Variants in RYR2 observed in about 807,000 individuals in gnomAD.
RYR2 encodes cardiac muscle ryanodine receptor-calcium release channel.
In RYR2, 227 loss-of-function variants were observed where a neutral mutation model predicts 601.1. The observed-to-expected ratio is 0.38, with a 90% CI of 0.34 to 0.42. The LOEUF (loss-of-function observed/expected upper bound fraction) is 0.42. Ranked by LOEUF, RYR2 falls within the 10% of genes least tolerant of loss-of-function variation. The probability of loss-of-function intolerance (pLI) is 1.00; values close to 1 mark genes in which losing one functional copy is unlikely to be tolerated. For missense variants in RYR2, 4,646 were observed against 6,156.5 expected (o/e 0.75, Z 8.21); for synonymous variants, 2,223 against 2,175.1 (o/e 1.02, Z -0.61).
chr1:237,397,807 C>T (rs1285755176), intron 10 of RYR2, among the ~76,000 whole-genome samples: 10 of 150,948 alleles, frequency 6.6e-5, no homozygotes, highest in Non-Finnish European at 7.4e-5. Context: ...CTGTAAGCTC[C>T]GCCTCCCAGG....
chr1:237,065,496 A>G (rs190225331), intron 1 of RYR2, among the ~76,000 whole-genome samples: 1 of 151,900 alleles, frequency 6.6e-6, no homozygotes, highest in East Asian at 1.9e-4. Flanking sequence ...TATGTTGGCC[A>G]GGCTGGTCTC....
At chr1:237,550,444 G>C in intron 26 of RYR2, 100 bp from the exon 27 acceptor site, 2 of 1,400,416 alleles carry the variant, frequency 1.4e-6, no homozygotes, top group South Asian at 2.6e-5. Context: ...GAAGGGTCAC[G>C]TTTTTCTCAT....
At chr1:237,473,435 T>C (rs929414152) in intron 17 of RYR2, among the ~76,000 whole-genome samples, 12 of 90,374 alleles carry the variant, frequency 1.3e-4, no homozygotes, top group East Asian at 6.7e-4. Flanking sequence ...CTCTCTCTCT[T>C]TCTTTCTTTC....
At chr1:237,736,628 ATAAAGGAAG>A (rs1691174971) in intron 79 of RYR2, among the ~76,000 whole-genome samples, 2 of 152,174 alleles carry the variant, frequency 1.3e-5, no homozygotes, top group Non-Finnish European at 2.9e-5. Flanking sequence ...GATGAAGTCT[ATAAAGGAAG>A]GCTAGAGGAG....
At chr1:237,619,998 T>C (rs1021011639) in intron 38 of RYR2, among the ~76,000 whole-genome samples, 1 of 152,020 alleles carries the variant, frequency 6.6e-6, no homozygotes, top group Admixed American at 6.6e-5. Context: ...TGAAGGAAAT[T>C]TGGAAAATTC....
chr1:237,663,914 A>G (rs1558170220), intron 56 of RYR2, among the ~76,000 whole-genome samples: 2 of 152,206 alleles, frequency 1.3e-5, no homozygotes, highest in Non-Finnish European at 2.9e-5. Context: ...GACAGAATAT[A>G]CAATAGAGTA....
At chr1:237,139,986 C>T (rs1472881744) in intron 1 of RYR2, among the ~76,000 whole-genome samples, 1 of 152,148 alleles carries the variant, frequency 6.6e-6, no homozygotes, top group Non-Finnish European at 1.5e-5. Context: ...GAGGTTTGTT[C>T]AAGAGCTAAA....
chr1:237,166,901 C>T (rs1465681870), intron 1 of RYR2, among the ~76,000 whole-genome samples: 2 of 152,126 alleles, frequency 1.3e-5, no homozygotes, highest in Admixed American at 6.5e-5. Context: ...TCAGTAGTCA[C>T]CAGAGATTAT....
chr1:237,277,977 A>G (rs905787936), intron 2 of RYR2, among the ~76,000 whole-genome samples: 1 of 152,176 alleles, frequency 6.6e-6, no homozygotes, highest in Non-Finnish European at 1.5e-5. Context: ...TGTGCTAATA[A>G]ATTAATTTCC....
Position 237,730,336 on chromosome 1 carries a change from A to G in RYR2, c.10915A>G (p.Lys3639Glu), listed in dbSNP as rs1200519687. ...AACAGAAGAACATTACTTTGAAGAT[A>G]AACTGATAGAAGATTTAGCAGTATG... ...IETEEHYFED[K>E]LIEDLAKPGA... The change falls in exon 77 of 105, where the codon AAA (lysine) becomes GAA (glutamate). Residue 3639 changes from lysine to glutamate, a missense_variant. This residue lies in a region of RYR2 where 1,497 missense variants were observed against 1,842.6 expected (regional missense o/e 0.81). Coordinates refer to ENST00000366574, the MANE Select transcript of RYR2 (RefSeq NM_001035.3). The G allele has an allele frequency of 6.3e-7, 1 of 1,580,570 alleles. No individual in the cohort carries two copies. Among genetic ancestry groups the G allele is most frequent in the East Asian group, 2.2e-5 (1 of 44,700 alleles).
rs886959086 is a variant in RYR2, at chr1:237,655,938, A to G, written c.8083A>G (p.Met2695Val). ...YVSMMEKQSS[M>V]DSEGNFNPQP... ...CAGTATGATGGAAAAACAGTCATCA[A>G]TGGATTCTGAAGGGAACTTTAACCC... Residue 2695 changes from methionine to valine, a missense_variant, in exon 53 of 105, where the codon ATG becomes GTG. This residue lies in a region of RYR2 where 1,497 missense variants were observed against 1,842.6 expected (regional missense o/e 0.81). Coordinates refer to ENST00000366574, the MANE Select transcript of RYR2 (RefSeq NM_001035.3). The G allele has an allele frequency of 4.3e-6, 7 of 1,613,420 alleles. No individual in the cohort carries two copies. Among genetic ancestry groups the G allele is most frequent in the African/African-American group, 4.0e-5 (3 of 74,906 alleles).
chr1:237,555,394 A>T (rs921160829), intron 27 of RYR2, among the ~76,000 whole-genome samples: 2 of 152,088 alleles, frequency 1.3e-5, no homozygotes, highest in African/African-American at 4.8e-5. Context: ...AGCAGTGATG[A>T]CAGTCAATAT....
chr1:237,260,206 G>A (rs1396280968), intron 1 of RYR2, among the ~76,000 whole-genome samples: 1 of 152,190 alleles, frequency 6.6e-6, no homozygotes, highest in East Asian at 1.9e-4. Context: ...GGATGACCTG[G>A]CTATGGAAGG....
intron 2 of RYR2, among the ~76,000 whole-genome samples, chr1:237,312,508 C>G (rs896620330): frequency 6.6e-6 from 1 of 152,054 alleles, no homozygotes; most frequent in African/African-American, 2.4e-5. Flanking sequence ...ATTTCCAGGG[C>G]GAAGATGACA....
At position 237,773,489 on chromosome 1, in the gene RYR2, G is replaced by A. The variant is rs748068019; in HGVS notation, c.11647-31G>A. On this transcript the variant is annotated intron_variant, in intron 86 of 104. Transcript: ENST00000366574. ...CAATGGTAACTTTAGAATGTGACTT[G>A]ATAATAAATAATATCATCTCTATTT... 5.9e-6 allele frequency: 9 copies of A among 1,516,482 alleles called. 1 individual carries two copies. Among genetic ancestry groups the A allele is most frequent in the South Asian group, 4.5e-5 (4 of 88,430 alleles). The allele number at this position is 1,516,482 out of a possible 1,614,324, so 93.9% of individuals were successfully genotyped here. A position where few individuals can be genotyped will look rare whatever the true frequency, so the allele number is the denominator to read the frequency against.
Position 237,330,919 on chromosome 1 carries a change from G to A in RYR2, c.210G>A (p.Glu70=). ...TCTCCATCTGCACCTTTGTGCTGGAGCAGTCCCTCTCTGTCCGGGCGCTGC... is the reference window on the plus strand; with the variant it reads ...TCTCCATCTGCACCTTTGTGCTGGAACAGTCCCTCTCTGTCCGGGCGCTGC... The part of the protein sequence containing the change: ...PDLSICTFVL[E]QSLSVRALQE... Residue 70 remains glutamate, a synonymous_variant, in exon 3 of 105, where the codon GAG becomes GAA. Coordinates refer to ENST00000366574, the MANE Select transcript of RYR2 (RefSeq NM_001035.3). 1 of 1,613,980 alleles carries A rather than the reference G, an allele frequency of 6.2e-7. No homozygotes were observed. Among genetic ancestry groups the A allele is most frequent in the Non-Finnish European group, 8.5e-7 (1 of 1,179,886 alleles).
chr1:237,199,060 T>A (rs1051425255), intron 1 of RYR2, among the ~76,000 whole-genome samples: 2 of 152,164 alleles, frequency 1.3e-5, no homozygotes, highest in African/African-American at 4.8e-5. Context: ...TCAAAGGTGG[T>A]TCCTTGCCGG....
At chr1:237,697,111 C>T (rs12132623) in intron 63 of RYR2, among the ~76,000 whole-genome samples, 8,874 of 151,576 alleles carry the variant, frequency 0.059, 415 homozygotes, top group African/African-American at 0.12. Flanking sequence ...TGCTCTGACT[C>T]CCTTAGCCAC....
intron 12 of RYR2, among the ~76,000 whole-genome samples, chr1:237,423,849 C>T (rs1248309378): frequency 1.3e-5 from 2 of 152,086 alleles, no homozygotes; most frequent in Non-Finnish European, 2.9e-5. Context: ...TAAAGAAATA[C>T]CTGAGACTGG....
Sources: gnomAD v4.1 joint callset for allele counts (sites outside exome capture counted in the v4.1 genomes callset) on GRCh38, gnomAD v4.1.1 for gene constraint, gnomAD v4.1.1 regional missense constraint, MANE v1.5 for transcripts, NCBI Gene and HGNC (gene_info 2026-07-23, HGNC 2026-07-21) for gene names.